PTPRZ1: variants seen among roughly 807,000 people sequenced by gnomAD.
PTPRZ1 encodes receptor-type tyrosine-protein phosphatase zeta.
Under a neutral mutation model 214.1 loss-of-function variants are expected in PTPRZ1, and 82 were observed. The observed-to-expected ratio is 0.38, with a 90% CI of 0.32 to 0.46. The LOEUF (loss-of-function observed/expected upper bound fraction) is 0.46, where lower values mean the gene tolerates loss of function less well. Ranked by LOEUF, PTPRZ1 falls within the 20% of genes least tolerant of loss-of-function variation. The pLI, the probability that PTPRZ1 is intolerant of heterozygous loss-of-function variation, is 1.00. For synonymous variants in PTPRZ1, 945 were observed against 987.9 expected (o/e 0.96, Z 0.81); for missense variants, 2,603 against 2,748.7 (o/e 0.95, Z 1.19).
chr7:122,058,988 G>C (rs761795596), intron 28 of PTPRZ1, 46 bp downstream of exon 28: 2 of 1,496,060 alleles, frequency 1.3e-6, no homozygotes. Context: ...CATTTTCTGG[G>C]CATATGTATA....
At chr7:121,898,587 A>T (rs1431991155) in intron 1 of PTPRZ1, among the ~76,000 whole-genome samples, 1 of 152,040 alleles carries the variant, frequency 6.6e-6, no homozygotes, top group African/African-American at 2.4e-5. Context: ...AACTTCATGT[A>T]TGTTGTCTAC....
At chr7:122,060,934 T>C in intron 29 of PTPRZ1, 146 bp from the exon 30 acceptor site, 2 of 576,842 alleles carry the variant, frequency 3.5e-6, no homozygotes, top group Non-Finnish European at 5.3e-6. Context: ...GTATAGGTTG[T>C]GTGCATCTGC....
chr7:122,028,596 C>G lies in PTPRZ1; in HGVS notation c.5033C>G (p.Ser1678Cys), dbSNP rs1799276940. 6.5e-7 allele frequency: 1 copy of G among 1,550,386 alleles called. No individual in the cohort carries two copies. The highest frequency in any genetic ancestry group is 8.9e-7 in the Non-Finnish European group (1 of 1,122,512). ...CACTTTTACTTAGAGGACAGTACAT[C>G]CCCTAGAGTTATATCCACACCTCCA... ...TAHFYLEDST[S>C]PRVISTPPTP... Residue 1678 changes from serine (S) to cysteine (C), a missense_variant, in exon 14 of 30, where the codon TCC becomes TGC. Physicochemically the swap from Ser to Cys is moderately radical, Grantham distance 112 (BLOSUM62 -1). Around this residue, in one of 6 missense-constraint regions of PTPRZ1, gnomAD observed 1,913 missense variants for 1,914.3 expected, o/e 1.00. Coordinates refer to ENST00000393386, the MANE Select transcript of PTPRZ1 (RefSeq NM_002851.3).
intron 1 of PTPRZ1, among the ~76,000 whole-genome samples, chr7:121,909,635 C>T (rs961885100): frequency 6.6e-6 from 1 of 152,088 alleles, no homozygotes; most frequent in Non-Finnish European, 1.5e-5. Flanking sequence ...TGAATATTTA[C>T]ATAATGATAA....
intron 1 of PTPRZ1, among the ~76,000 whole-genome samples, chr7:121,920,851 G>A (rs961175834): frequency 1.3e-5 from 2 of 152,046 alleles, no homozygotes; most frequent in Non-Finnish European, 2.9e-5. Flanking sequence ...CTGTTATGAT[G>A]CTGTAAAATA....
intron 2 of PTPRZ1, among the ~76,000 whole-genome samples, chr7:121,963,078 A>T (rs1435741804): frequency 1.3e-5 from 2 of 152,004 alleles, no homozygotes; most frequent in African/African-American, 4.8e-5. Flanking sequence ...CTTTTTAATC[A>T]TGAAAATTAA....
intron 2 of PTPRZ1, among the ~76,000 whole-genome samples, chr7:121,950,558 C>T (rs1266181722): frequency 2.6e-5 from 4 of 152,214 alleles, no homozygotes; most frequent in Admixed American, 6.5e-5. Flanking sequence ...GGTGATCTGG[C>T]TCAGACTAGA....
At chr7:121,956,734 A>C (rs550563688) in intron 2 of PTPRZ1, among the ~76,000 whole-genome samples, 79 of 152,332 alleles carry the variant, frequency 5.2e-4, no homozygotes, top group Middle Eastern at 3.4e-3. Flanking sequence ...GGAGAAGAAA[A>C]CATAAGAACT....
At chr7:122,040,728 CCGTG>C in intron 20 of PTPRZ1, 84 bp from the exon 21 acceptor site, 1 of 755,442 alleles carries the variant, frequency 1.3e-6, no homozygotes. Flanking sequence ...TGTTGAAGAA[CCGTG>C]TGTGTGTGTG....
intron 1 of PTPRZ1, among the ~76,000 whole-genome samples, chr7:121,916,871 A>T (rs530672981): frequency 1.3e-5 from 2 of 152,294 alleles, no homozygotes; most frequent in African/African-American, 4.8e-5. Flanking sequence ...CACTTTGGGG[A>T]TTCACAGAAT....
chr7:121,901,873 T>C (rs1039138593), intron 1 of PTPRZ1, among the ~76,000 whole-genome samples: 1 of 152,230 alleles, frequency 6.6e-6, no homozygotes, highest in Non-Finnish European at 1.5e-5. Context: ...AAAAATTCCC[T>C]ATTCTAGCTA....
chr7:122,055,212 C>A, intron 27 of PTPRZ1, 125 bp downstream of exon 27: 6 of 690,558 alleles, frequency 8.7e-6, no homozygotes, highest in Middle Eastern at 4.4e-4. Flanking sequence ...GACAAATACA[C>A]AAATAATCAA....
intron 23 of PTPRZ1, among the ~76,000 whole-genome samples, chr7:122,045,665 T>C (rs953016701): frequency 2.1e-5 from 3 of 143,996 alleles, no homozygotes; most frequent in Non-Finnish European, 3.0e-5. Flanking sequence ...TGTAAAGATA[T>C]CTTTTCCCTA....
intron 2 of PTPRZ1, among the ~76,000 whole-genome samples, chr7:121,963,938 C>T (rs560538546): frequency 1.1e-4 from 17 of 152,034 alleles, no homozygotes; most frequent in African/African-American, 3.9e-4. Flanking sequence ...ATATGTTGTC[C>T]TAACCTCGTG....
chr7:122,049,876 G>A (rs1236335796), intron 23 of PTPRZ1, among the ~76,000 whole-genome samples: 2 of 152,110 alleles, frequency 1.3e-5, no homozygotes, highest in African/African-American at 4.8e-5. Context: ...ACTGTATATG[G>A]AAGACTTATG....
intron 1 of PTPRZ1, among the ~76,000 whole-genome samples, chr7:121,924,588 G>A (rs1795702400): frequency 6.6e-6 from 1 of 152,186 alleles, no homozygotes; most frequent in Non-Finnish European, 1.5e-5. Flanking sequence ...TGTTCATTGT[G>A]TAGGGATAAA....
rs1798665315 is a variant in PTPRZ1 at position 122,011,568 on chromosome 7, T to C, written c.2522T>C (p.Ile841Thr). ...LFRHLHTVSQILPQVTSATES... is the reference protein window; with the variant it reads ...LFRHLHTVSQTLPQVTSATES... ...CGCCATCTGCATACAGTTTCTCAAA[T>C]CCTTCCACAAGTTACTTCAGCTACC... The change falls in exon 12 of 30, where the codon ATC (isoleucine) becomes ACC (threonine). Residue 841 changes from isoleucine to threonine, a missense_variant. Physicochemically the swap from Ile to Thr is moderately conservative, Grantham distance 89 (BLOSUM62 -1). This residue lies in a region of PTPRZ1 where 1,913 missense variants were observed against 1,914.3 expected (regional missense o/e 1.00). Transcript: ENST00000393386. 2 of 1,614,022 alleles carry C rather than the reference T, an allele frequency of 1.2e-6. No individual in the cohort carries two copies. The highest frequency in any genetic ancestry group is 1.3e-5 in the African/African-American group (1 of 74,912).
intron 24 of PTPRZ1, 57 bp downstream of exon 24, chr7:122,051,578 G>T: frequency 6.8e-7 from 1 of 1,467,198 alleles, no homozygotes; most frequent in Non-Finnish European, 9.4e-7. Context: ...AAGCCTTGTA[G>T]GAAATTTGGC....
intron 2 of PTPRZ1, among the ~76,000 whole-genome samples, chr7:121,945,896 A>G (rs1796357468): frequency 6.6e-6 from 1 of 152,194 alleles, no homozygotes; most frequent in South Asian, 2.1e-4. Context: ...AAAAGTTTGT[A>G]AAAAAGCAGC....
Sources: gnomAD v4.1 joint callset for allele counts (sites outside exome capture counted in the v4.1 genomes callset) on GRCh38, gnomAD v4.1.1 for gene constraint, gnomAD v4.1.1 regional missense constraint, MANE v1.5 for transcripts, NCBI Gene and HGNC (gene_info 2026-07-23, HGNC 2026-07-21) for gene names.